EXT2: variants seen among roughly 807,000 people sequenced by gnomAD.
The protein encoded by EXT2 is exostosin glycosyltransferase 2.
In EXT2, 53 loss-of-function variants were observed where a neutral mutation model predicts 81.6. The observed-to-expected ratio is 0.65, with a 90% confidence interval of 0.52 to 0.82. EXT2 has a LOEUF of 0.82. Ranked by LOEUF, EXT2 falls within the 40% of genes least tolerant of loss-of-function variation. The pLI, the probability that EXT2 is intolerant of heterozygous loss-of-function variation, is 0.00. For missense variants in EXT2, 774 were observed against 910.2 expected (o/e 0.85, Z 1.93); for synonymous variants, 320 against 340.0 (o/e 0.94, Z 0.65).
chr11:44,095,958 C>T lies in EXT2; in HGVS notation c.-31+106C>T, dbSNP rs140369819. 2,384 of 427,184 alleles carry T rather than the reference C, an allele frequency of 5.6e-3. 43 individuals carry two copies. Among genetic ancestry groups the T allele is most frequent in the African/African-American group, 0.033 (1,595 of 47,922 alleles). The allele number at this position is 427,184 out of a possible 1,614,324, so 26.5% of individuals were successfully genotyped here. On this transcript the variant is annotated intron_variant, in intron 1 of 13. Transcript: ENST00000533608. ...GACAAGGGCCGAGGGAGCGCGGCCG[C>T]GCGGAGGCTCCGTGGAGGCCCGTGG...
intron 7 of EXT2, among the ~76,000 whole-genome samples, chr11:44,161,506 TA>T (rs71947801): frequency 0.062 from 8,971 of 145,856 alleles, 384 homozygotes; most frequent in Non-Finnish European, 0.085. Flanking sequence ...CCCTGGCTCT[TA>T]AAAAAAAAAA....
At chr11:44,115,938 T>C (rs1390261494) in intron 4 of EXT2, 1 of 152,212 alleles carries the variant, frequency 6.6e-6, no homozygotes, top group Non-Finnish European at 1.5e-5. Context: ...CATGAAGTTG[T>C]TGCTTAGGAC....
chr11:44,116,456 T>G (rs543454971), intron 4 of EXT2: 1 of 152,382 alleles, frequency 6.6e-6, no homozygotes, highest in South Asian at 2.1e-4. Context: ...TTAGCTCTTA[T>G]GAATAATGCT....
intron 7 of EXT2, among the ~76,000 whole-genome samples, chr11:44,148,312 C>T (rs977122334): frequency 6.6e-6 from 1 of 152,166 alleles, no homozygotes; most frequent in Admixed American, 6.5e-5. Context: ...ACATAACAGT[C>T]CTTGCCACTG....
At chr11:44,118,591 A>G (rs1053270731) in intron 4 of EXT2, among the ~76,000 whole-genome samples, 1 of 152,216 alleles carries the variant, frequency 6.6e-6, no homozygotes, top group Non-Finnish European at 1.5e-5. Flanking sequence ...AGTATTCATC[A>G]TTAAATATGA....
chr11:44,205,753 C>T (rs1466409462), intron 9 of EXT2, among the ~76,000 whole-genome samples: 4 of 152,166 alleles, frequency 2.6e-5, no homozygotes, highest in African/African-American at 4.8e-5. Context: ...TGGCCAGGAG[C>T]GCTTTGGGAC....
chr11:44,244,363 C>A lies in EXT2; in HGVS notation c.*76C>A. ...ACAAGGCCTCCCAGCACTCTGATGT[C>A]AGAGTAGTAGGTTAAGGGTGGAAGG... is the stretch of plus-strand genomic sequence containing the variant. On this transcript the variant is annotated 3_prime_UTR_variant, in exon 14 of 14. Transcript: ENST00000533608. 2.0e-6 allele frequency: 3 copies of A among 1,532,512 alleles called. No individual in the cohort carries two copies. The highest frequency in any genetic ancestry group is 2.2e-5 in the South Asian group (2 of 89,034). 94.9% of individuals were successfully genotyped at this position (1,532,512 alleles called of 1,614,324 possible). A position where few individuals can be genotyped will look rare whatever the true frequency, so the allele number is the denominator to read the frequency against.
At chr11:44,169,433 C>G (rs1327131433) in intron 7 of EXT2, among the ~76,000 whole-genome samples, 3 of 151,636 alleles carry the variant, frequency 2.0e-5, no homozygotes, top group Non-Finnish European at 4.4e-5. Flanking sequence ...TAACAAAAGA[C>G]TAAATAACTA....
intron 5 of EXT2, among the ~76,000 whole-genome samples, 162 bp downstream of exon 5, chr11:44,125,146 A>G (rs1228287017): frequency 6.6e-6 from 1 of 152,236 alleles, no homozygotes; most frequent in East Asian, 1.9e-4. Flanking sequence ...ACCTTCAGGT[A>G]CTTGGATGTC....
At position 44,246,636 on chromosome 11, in the gene EXT2, C is replaced by T. The variant is rs1402668496; in HGVS notation, c.*2349C>T. The stretch of plus-strand genomic sequence containing the variant: ...ATATCCTAGGCACTTGAAACAACCT[C>T]AAAGGTGATGTTACCCTATGAACAG... On this transcript the variant is annotated 3_prime_UTR_variant, in exon 14 of 14. Coordinates refer to ENST00000533608, the MANE Select transcript of EXT2 (RefSeq NM_207122.2). Among the ~76,000 whole-genome samples the T allele has an allele frequency of 2.0e-5, 3 of 152,180 alleles. No individual in the cohort carries two copies. Among genetic ancestry groups the T allele is most frequent in the Admixed American group, 6.5e-5 (1 of 15,282 alleles).
Position 44,126,807 on chromosome 11 carries a change from T to C in EXT2, c.940-9T>C, listed in dbSNP as rs374555467. 61 of 1,614,082 alleles carry C rather than the reference T, an allele frequency of 3.8e-5. No individual in the cohort carries two copies. Among genetic ancestry groups the C allele is most frequent in the Non-Finnish European group, 5.1e-5 (60 of 1,180,044 alleles). On this transcript the variant is annotated splice_polypyrimidine_tract_variant and intron_variant, in intron 5 of 13. Coordinates refer to ENST00000533608, the MANE Select transcript of EXT2 (RefSeq NM_207122.2). ...GTTTGTAATCTCTTGCCTCTTTGTG[T>C]TCCTGCAGGAGGCTACTTTCTGTGT... is the stretch of plus-strand genomic sequence containing the variant.
chr11:44,124,683 A>C, intron 4 of EXT2, 106 bp from the exon 5 acceptor site: 1 of 837,838 alleles, frequency 1.2e-6, no homozygotes, highest in Non-Finnish European at 2.0e-6. Flanking sequence ...GGAGGTGAAG[A>C]CTGGTAAGGA....
intron 1 of EXT2, among the ~76,000 whole-genome samples, chr11:44,105,140 T>C (rs1335471532): frequency 6.6e-6 from 1 of 152,186 alleles, no homozygotes; most frequent in East Asian, 1.9e-4. Context: ...CAGTTTACCA[T>C]GTGGGCACTG....
intron 4 of EXT2, among the ~76,000 whole-genome samples, chr11:44,120,508 C>T (rs76811908): frequency 3.5e-4 from 54 of 152,198 alleles, no homozygotes; most frequent in African/African-American, 1.3e-3. Context: ...TCCCTGCCCC[C>T]GAAAACCAAG....
rs1390026647 is a variant in EXT2 at position 44,244,961 on chromosome 11, T to C, written c.*674T>C. The C allele has an allele frequency of 8.6e-6, 2 of 232,320 alleles. No individual in the cohort carries two copies. The highest frequency in any genetic ancestry group is 1.1e-4 in the Admixed American group (2 of 17,976). 14.4% of individuals were successfully genotyped at this position (232,320 alleles called of 1,614,324 possible). On this transcript the variant is annotated 3_prime_UTR_variant, in exon 14 of 14. Transcript: ENST00000533608. Reference sequence around the variant, plus strand: ...CTGTGTCTTAAACACCAATTCCTGATAGTCCAAGGAACCACCTTTCTCCCT... The same window carrying C: ...CTGTGTCTTAAACACCAATTCCTGACAGTCCAAGGAACCACCTTTCTCCCT...
chr11:44,150,954 A>G (rs549624020), intron 7 of EXT2, among the ~76,000 whole-genome samples: 10 of 152,332 alleles, frequency 6.6e-5, no homozygotes, highest in African/African-American at 1.7e-4. Flanking sequence ...TAGAATTACA[A>G]TGGGGCAGAA....
In EXT2 at chr11:44,124,779, T is replaced by G. The variant is rs200943294; in HGVS notation, c.744-10T>G. On this transcript the variant is annotated splice_polypyrimidine_tract_variant and intron_variant, in intron 4 of 13. Transcript: ENST00000533608. ...GCAATTTTCCAATCACCTGTTTTTT[T>G]CCCTTGTAGTCCACGGCAATACTTC... The G allele has an allele frequency of 4.0e-4, 639 of 1,613,842 alleles. No homozygotes were observed. The highest frequency in any genetic ancestry group is 4.9e-4 in the Non-Finnish European group (579 of 1,179,898).
At chr11:44,114,766 G>A (rs1954197729) in intron 4 of EXT2, among the ~76,000 whole-genome samples, 1 of 151,932 alleles carries the variant, frequency 6.6e-6, no homozygotes, top group Admixed American at 6.6e-5. Flanking sequence ...ATTGCCCTTA[G>A]GATAAGATTC....
At chr11:44,158,052 A>G (rs1203439702) in intron 7 of EXT2, among the ~76,000 whole-genome samples, 4 of 152,198 alleles carry the variant, frequency 2.6e-5, no homozygotes, top group Non-Finnish European at 5.9e-5. Flanking sequence ...CTGCTGCCCT[A>G]TTCTGCTGTG....
Sources: gnomAD v4.1 joint callset for allele counts (sites outside exome capture counted in the v4.1 genomes callset) on GRCh38, gnomAD v4.1.1 for gene constraint, MANE v1.5 for transcripts, NCBI Gene and HGNC (gene_info 2026-07-23, HGNC 2026-07-21) for gene names.